Variants in SIRT3 observed in about 807,000 individuals in gnomAD.
The protein encoded by SIRT3 is NAD-dependent protein deacetylase sirtuin-3, mitochondrial.
SIRT3 carries 26 observed loss-of-function variants against 33.5 expected under a neutral mutation model. The ratio of observed to expected loss-of-function variants is 0.78; its 90% confidence interval spans 0.57 to 1.08. SIRT3 has a LOEUF of 1.08. Ranked by LOEUF, SIRT3 falls within the 50% of genes least tolerant of loss-of-function variation. The probability of loss-of-function intolerance (pLI) is 0.00; values close to 1 mark genes in which losing one functional copy is unlikely to be tolerated. For missense variants in SIRT3, 585 were observed against 530.1 expected, an observed-to-expected ratio of 1.10 and a Z score of -1.02; for synonymous variants, 237 against 222.1, an observed-to-expected ratio of 1.07 and a Z score of -0.60.
rs202091258 is a variant in SIRT3, at chr11:218,882, G to A, written c.1129C>T (p.Leu377=). Residue 377 remains leucine (L), a synonymous_variant, in exon 6 of 7, where the codon CTG becomes TTG. Transcript: ENST00000382743. ...VHGVESLVEL[L]GWTEEMRDLV... Reference sequence around the variant, plus strand: ...TCCCGCATCTCTTCTGTCCAGCCCAGAAGCTCCACTAGGCTTTCCACGCCG... The same window carrying A: ...TCCCGCATCTCTTCTGTCCAGCCCAAAAGCTCCACTAGGCTTTCCACGCCG... 6.8e-6 allele frequency: 11 copies of A among 1,614,146 alleles called. No individual in the cohort carries two copies. In the Admixed American group the frequency reaches 1.8e-4, roughly 27 times the overall value.
chr11:226,800 C>T (rs1286502204), intron 4 of SIRT3, among the ~76,000 whole-genome samples: 6 of 147,904 alleles, frequency 4.1e-5, no homozygotes, highest in African/African-American at 2.5e-5. Context: ...GTTTCCCAGG[C>T]TGGAGTGCAA....
At chr11:235,994 G>A in intron 1 of SIRT3, 54 bp downstream of exon 1, 1 of 1,408,038 alleles carries the variant, frequency 7.1e-7, no homozygotes. Context: ...GAGAAAGAGT[G>A]GGCGAGGTGT....
At chr11:218,759 C>A in intron 6 of SIRT3, 73 bp downstream of exon 6, 1 of 1,606,790 alleles carries the variant, frequency 6.2e-7, no homozygotes, top group Non-Finnish European at 8.5e-7. Context: ...AACGGGGCTC[C>A]ATATCAGGTG....
chr11:236,109 C>A lies in SIRT3; in HGVS notation c.220G>T (p.Glu74Ter). Residue 74 changes from glutamate to a stop codon, truncating the protein, a stop_gained, in exon 1 of 7, where the codon GAG becomes TAG. Coordinates refer to ENST00000382743, the MANE Select transcript of SIRT3 (RefSeq NM_012239.6). LOFTEE classifies it high-confidence loss of function. ...TGCCTCCGGAATGCCCTGGGCACCT[C>A]GGGTCTGGGAGGCCTCTGCAAGGGG... Reference protein sequence around the residue: ...ARPLQRPPRPEVPRAFRRQPR... With the variant: ...ARPLQRPPRP 1 of 1,578,906 alleles carries A rather than the reference C, an allele frequency of 6.3e-7. No homozygotes were observed.
chr11:233,264 A>C (rs1465805255), intron 2 of SIRT3, 49 bp from the exon 3 acceptor site: 2 of 1,602,670 alleles, frequency 1.2e-6, no homozygotes, highest in African/African-American at 2.7e-5. Context: ...AGGACAGGGA[A>C]GTGGAATAAA....
chr11:228,550 A>G (rs1221663393), intron 4 of SIRT3, among the ~76,000 whole-genome samples: 4 of 152,246 alleles, frequency 2.6e-5, no homozygotes, highest in Non-Finnish European at 5.9e-5. Flanking sequence ...TGGAACAATT[A>G]CATATCCACA....
At chr11:230,679 T>TTG in intron 3 of SIRT3, 127 bp from the exon 4 acceptor site, 1 of 480,084 alleles carries the variant, frequency 2.1e-6, no homozygotes, top group Non-Finnish European at 3.5e-6. Flanking sequence ...TGTGATGTCC[T>TTG]CAAGCCTGGT....
intron 5 of SIRT3, among the ~76,000 whole-genome samples, chr11:221,262 A>C (rs1856405881): frequency 6.6e-6 from 1 of 152,168 alleles, no homozygotes; most frequent in Non-Finnish European, 1.5e-5. Flanking sequence ...GCAACTACAC[A>C]GACCATGCCT....
At chr11:227,236 G>A (rs879146123) in intron 4 of SIRT3, among the ~76,000 whole-genome samples, 5 of 147,902 alleles carry the variant, frequency 3.4e-5, no homozygotes, top group East Asian at 2.1e-4. Flanking sequence ...TCAGGAGTTC[G>A]ACACCAGCCT....
intron 4 of SIRT3, among the ~76,000 whole-genome samples, chr11:230,005 A>G (rs1187336017): frequency 6.6e-6 from 1 of 152,182 alleles, no homozygotes; most frequent in Non-Finnish European, 1.5e-5. Context: ...AACACAAGCT[A>G]CAAGGCGAAG....
upstream of SIRT3, chr11:236,392 GCCTCCCAC>G: frequency 6.9e-6 from 1 of 144,794 alleles, no homozygotes; most frequent in Non-Finnish European, 8.2e-6. Flanking sequence ...CCCCGCCTCC[GCCTCCCAC>G]CCCCGCCCCC....
At position 236,340 on chromosome 11, in the gene SIRT3, T is replaced by A; in HGVS notation, c.-12A>T. 7.4e-7 allele frequency: 1 copy of A among 1,353,718 alleles called. No homozygotes were observed. Among genetic ancestry groups the A allele is most frequent in the Non-Finnish European group, 9.5e-7 (1 of 1,050,038 alleles). 83.9% of individuals were successfully genotyped at this position (1,353,718 alleles called of 1,614,324 possible). A position where few individuals can be genotyped will look rare whatever the true frequency, so the allele number is the denominator to read the frequency against. ...CCCCAGAACGCCATGTTCCGCGCAG[T>A]CCAAGGAGTCCTCCGGACTCGCCCC... On this transcript the variant is annotated 5_prime_UTR_variant, in exon 1 of 7. Transcript: ENST00000382743.
At chr11:232,866 A>G (rs1434645704) in intron 3 of SIRT3, 117 bp downstream of exon 3, 2 of 978,820 alleles carry the variant, frequency 2.0e-6, no homozygotes, top group Non-Finnish European at 3.1e-6. Context: ...GGCCGTCCCC[A>G]GAAACAGGCA....
In SIRT3 at chr11:236,213, A is replaced by G; in HGVS notation, c.116T>C (p.Val39Ala). 2.6e-6 allele frequency: 4 copies of G among 1,557,288 alleles called. No individual in the cohort carries two copies. Among genetic ancestry groups the G allele is most frequent in the Non-Finnish European group, 3.5e-6 (4 of 1,155,168 alleles). The change falls in exon 1 of 7, where the codon GTG (valine) becomes GCG (alanine). Residue 39 changes from valine (V) to alanine (A), a missense_variant. Coordinates refer to ENST00000382743, the MANE Select transcript of SIRT3 (RefSeq NM_012239.6). ...GPFQACGCRL[V>A]LGGRDDVSAG... ...ACTCACATCGTCCCTGCCGCCAAGC[A>G]CCAGCCGACAGCCGCAGGCCTGAAA...
rs188063612 is a variant in SIRT3 at position 231,277 on chromosome 11, A to T, written c.707-725T>A. Among the ~76,000 whole-genome samples the T allele has an allele frequency of 2.4e-3, 372 of 152,228 alleles. 1 individual carries two copies. Among genetic ancestry groups the T allele is most frequent in the Non-Finnish European group, 2.8e-3 (189 of 68,012 alleles). Reference sequence around the variant, plus strand: ...AACATAGTGAGACTTGTCTTAAAAAATTTTTTTAATTAGCCAGGCATGGTA... The same window carrying T: ...AACATAGTGAGACTTGTCTTAAAAATTTTTTTTAATTAGCCAGGCATGGTA... On this transcript the variant is annotated intron_variant, in intron 3 of 6. Coordinates refer to ENST00000382743, the MANE Select transcript of SIRT3 (RefSeq NM_012239.6).
intron 5 of SIRT3, among the ~76,000 whole-genome samples, chr11:220,053 G>A (rs1317504666): frequency 1.3e-5 from 2 of 151,986 alleles, no homozygotes; most frequent in African/African-American, 2.4e-5. Flanking sequence ...TTAACAGCTG[G>A]GCATGGTGGT....
rs1858326300 is a variant in SIRT3, at chr11:233,141, G to A, written c.548C>T (p.Pro183Leu). 16 of 1,614,176 alleles carry A rather than the reference G, an allele frequency of 9.9e-6. No individual in the cohort carries two copies. Among genetic ancestry groups the A allele is most frequent in the Non-Finnish European group, 1.4e-5 (16 of 1,180,026 alleles). The change falls in exon 3 of 7, where the codon CCA (proline) becomes CTA (leucine). Residue 183 changes from proline to leucine, a missense_variant. By Grantham distance (98) the Pro-to-Leu change is moderately conservative. Coordinates refer to ENST00000382743, the MANE Select transcript of SIRT3 (RefSeq NM_012239.6). ...GGGCTTGGGGTTGTGAAAGAAGAAT[G>A]GGAGTTCAAAAATGGCCTCGGGGTA... ...LPYPEAIFELPFFFHNPKPFF... is the reference protein window; with the variant it reads ...LPYPEAIFELLFFFHNPKPFF...
chr11:218,936 C>T lies in SIRT3; in HGVS notation c.1075G>A (p.Asp359Asn). 1.2e-6 allele frequency: 2 copies of T among 1,614,170 alleles called. No individual in the cohort carries two copies. The highest frequency in any genetic ancestry group is 1.7e-6 in the Non-Finnish European group (2 of 1,180,034). The part of the protein sequence containing the change: ...GPLAWHPRSR[D>N]VAQLGDVVHG... ...ACCACGTCCCCCAGCTGGGCCACGT[C>T]CCTGCTGCGAGGATGCCAAGCCAAG... Residue 359 changes from aspartate to asparagine, a missense_variant, in exon 6 of 7, where the codon GAC becomes AAC. Physicochemically the swap from Asp to Asn is conservative, Grantham distance 23. Coordinates refer to ENST00000382743, the MANE Select transcript of SIRT3 (RefSeq NM_012239.6).
chr11:232,782 T>C (rs1858252835), intron 3 of SIRT3, among the ~76,000 whole-genome samples: 1 of 152,058 alleles, frequency 6.6e-6, no homozygotes, highest in South Asian at 2.1e-4. Context: ...CCAGAGGACA[T>C]TTTCCTTGGG....
Sources: gnomAD v4.1 joint callset for allele counts (sites outside exome capture counted in the v4.1 genomes callset) on GRCh38, gnomAD v4.1.1 for gene constraint, MANE v1.5 for transcripts, NCBI Gene and HGNC (gene_info 2026-07-23, HGNC 2026-07-21) for gene names.